Variants in DCC observed in about 807,000 individuals in gnomAD.
DCC encodes the protein DCC netrin 1 receptor.
A neutral mutation model predicts 172.5 loss-of-function variants in DCC; 58 were observed. The ratio of observed to expected loss-of-function variants is 0.34; its 90% CI spans 0.27 to 0.42. The LOEUF (loss-of-function observed/expected upper bound fraction) is 0.42, where lower values mean the gene tolerates loss of function less well. DCC is among the 10% of genes least tolerant of loss of function. DCC has a pLI of 1.00. For missense variants in DCC, 1,740 were observed against 1,791.0 expected (o/e 0.97, Z 0.51); for synonymous variants, 709 against 644.5 (o/e 1.10, Z -1.52).
chr18:52,923,975 A>G (rs2040162910), intron 4 of DCC, 118 bp downstream of exon 4: 2 of 776,886 alleles, frequency 2.6e-6, no homozygotes, highest in South Asian at 3.0e-5. Flanking sequence ...TAATAATTGA[A>G]TATTTTTCCA....
intron 1 of DCC, among the ~76,000 whole-genome samples, chr18:52,363,416 T>C (rs1183143034): frequency 6.6e-6 from 1 of 152,222 alleles, no homozygotes; most frequent in Non-Finnish European, 1.5e-5. Flanking sequence ...TCCTATCATG[T>C]AGCTGATGAA....
chr18:52,862,613 A>G (rs893886535), intron 2 of DCC, among the ~76,000 whole-genome samples: 1 of 151,982 alleles, frequency 6.6e-6, no homozygotes, highest in East Asian at 1.9e-4. Flanking sequence ...CAGGAGAATC[A>G]CTTAAACCCA....
intron 1 of DCC, among the ~76,000 whole-genome samples, chr18:52,527,026 G>A (rs1004391082): frequency 3.3e-5 from 5 of 152,140 alleles, no homozygotes; most frequent in Non-Finnish European, 7.4e-5. Context: ...AAGCTCAATG[G>A]GAACCTTTTG....
intron 1 of DCC, among the ~76,000 whole-genome samples, chr18:52,726,096 T>G (rs376357408): frequency 1.1e-3 from 163 of 152,346 alleles, no homozygotes; most frequent in African/African-American, 3.8e-3. Flanking sequence ...TTGACCATGA[T>G]GAATGACCAA....
At position 52,470,788 on chromosome 18, in the gene DCC, G is replaced by A. The variant is rs992748456; in HGVS notation, c.91+129910G>A. 2.0e-5 allele frequency among the ~76,000 whole-genome samples: 3 copies of A among 152,178 alleles called. No homozygotes were observed. The East Asian group carries it at 5.8e-4, about 29-fold the overall frequency. On this transcript the variant is annotated intron_variant, in intron 1 of 28. Transcript: ENST00000442544. ...AACAATATTAAGCTATGAATCATCT[G>A]TTGATCTTTTTAACGCACTTATTGT...
chr18:52,372,231 T>A (rs776360912), intron 1 of DCC, among the ~76,000 whole-genome samples: 3 of 152,164 alleles, frequency 2.0e-5, no homozygotes, highest in African/African-American at 7.2e-5. Flanking sequence ...AGTAGTAACC[T>A]CTGCATAATA....
intron 2 of DCC, among the ~76,000 whole-genome samples, chr18:52,798,919 T>G (rs2037929090): frequency 6.6e-6 from 1 of 152,058 alleles, no homozygotes; most frequent in Non-Finnish European, 1.5e-5. Flanking sequence ...AGCTAATTCT[T>G]TATATTTTTA....
At position 52,569,740 on chromosome 18, in the gene DCC, A is replaced by G. The variant is rs142207137; in HGVS notation, c.92-182314A>G. On this transcript the variant is annotated intron_variant, in intron 1 of 28. Coordinates refer to ENST00000442544, the MANE Select transcript of DCC (RefSeq NM_005215.4). The stretch of plus-strand genomic sequence containing the variant: ...GTGATGACTGAGTAAGGTGGGGTGG[A>G]GTTGGTGTACCAGGGATAAGTAGAT... Among the ~76,000 whole-genome samples the G allele has an allele frequency of 1.5e-3, 229 of 152,272 alleles. 1 individual carries two copies. Among genetic ancestry groups the G allele is most frequent in the African/African-American group, 5.0e-3 (206 of 41,558 alleles).
At chr18:53,167,458 A>C (rs1420690000) in intron 8 of DCC, among the ~76,000 whole-genome samples, 1 of 152,202 alleles carries the variant, frequency 6.6e-6, no homozygotes, top group Non-Finnish European at 1.5e-5. Flanking sequence ...ATCAAGACCC[A>C]GGAAGGTGAA....
intron 1 of DCC, among the ~76,000 whole-genome samples, chr18:52,491,139 T>G (rs1433962733): frequency 3.3e-5 from 5 of 152,056 alleles, no homozygotes; most frequent in African/African-American, 1.2e-4. Flanking sequence ...TTTTACTAAG[T>G]TTTTTCCTCT....
chr18:53,043,483 A>G (rs2042197241), intron 5 of DCC, among the ~76,000 whole-genome samples: 1 of 151,922 alleles, frequency 6.6e-6, no homozygotes, highest in South Asian at 2.1e-4. Flanking sequence ...ATTAAAAACA[A>G]GAGGACCAGG....
chr18:53,220,215 G>GT (rs1168844777), intron 12 of DCC, among the ~76,000 whole-genome samples: 8 of 152,130 alleles, frequency 5.3e-5, no homozygotes, highest in South Asian at 2.1e-4. Context: ...GTTTTGTTTT[G>GT]TTTTTTTCTG....
At chr18:52,688,409 G>A (rs2145005975) in intron 1 of DCC, among the ~76,000 whole-genome samples, 1 of 152,218 alleles carries the variant, frequency 6.6e-6, no homozygotes, top group African/African-American at 2.4e-5. Context: ...GACTTACCCA[G>A]GTATGTGTGA....
intron 21 of DCC, among the ~76,000 whole-genome samples, chr18:53,419,890 A>G (rs1847124): frequency 0.016 from 2,470 of 151,632 alleles, 142 homozygotes; most frequent in Admixed American, 0.11. Flanking sequence ...ATCTCACTCT[A>G]TTACCCAGGC....
At chr18:52,730,986 GTCCA>G (rs2036630988) in intron 1 of DCC, among the ~76,000 whole-genome samples, 1 of 152,050 alleles carries the variant, frequency 6.6e-6, no homozygotes, top group African/African-American at 2.4e-5. Flanking sequence ...AATAAAATTT[GTCCA>G]TCTATCATTA....
At chr18:53,276,394 T>C (rs996158075) in intron 12 of DCC, among the ~76,000 whole-genome samples, 12 of 152,214 alleles carry the variant, frequency 7.9e-5, no homozygotes, top group African/African-American at 2.7e-4. Context: ...GATCACATAT[T>C]AATTCTAGTT....
At position 52,356,349 on chromosome 18, in the gene DCC, G is replaced by A. The variant is rs554282598; in HGVS notation, c.91+15471G>A. On this transcript the variant is annotated intron_variant, in intron 1 of 28. Transcript: ENST00000442544. ...TTAATGTTTTCATCTTTTTTTTTCA[G>A]CCTTGCTTCAAAATGTATAGAAAAC... Among the ~76,000 whole-genome samples the A allele has an allele frequency of 1.2e-4, 18 of 151,428 alleles. No homozygotes were observed. In the South Asian group the frequency reaches 3.6e-3, roughly 30 times the overall value.
intron 1 of DCC, among the ~76,000 whole-genome samples, chr18:52,740,784 C>T (rs1455508398): frequency 6.6e-6 from 1 of 152,218 alleles, no homozygotes; most frequent in Non-Finnish European, 1.5e-5. Context: ...TTGGCACCTT[C>T]AGTAACTGTA....
intron 21 of DCC, among the ~76,000 whole-genome samples, chr18:53,429,261 A>ACAGACAACTTTTTTCACCTATCATT: frequency 3.8e-5 from 2 of 52,700 alleles, no homozygotes; most frequent in Admixed American, 1.7e-4. Flanking sequence ...ACTTTAGAAG[A>ACAGACAACTTTTTTCACCTATCATT]TGGTCTCTGC....
Sources: gnomAD v4.1 joint callset for allele counts (sites outside exome capture counted in the v4.1 genomes callset) on GRCh38, gnomAD v4.1.1 for gene constraint, MANE v1.5 for transcripts, NCBI Gene and HGNC (gene_info 2026-07-23, HGNC 2026-07-21) for gene names.